PHRF1: variants seen among roughly 807,000 people sequenced by gnomAD.
PHRF1 encodes PHD and RING finger domain-containing protein 1.
Under a neutral mutation model 128.9 loss-of-function variants are expected in PHRF1, and 53 were observed. The observed-to-expected ratio is 0.41, with a 90% CI of 0.33 to 0.52. The LOEUF is 0.52. Among genes scored for constraint, PHRF1 ranks in the 20% least tolerant of loss-of-function variants. The pLI is 0.21. For synonymous variants in PHRF1, 1,178 were observed against 980.6 expected (o/e 1.20, Z -3.76); for missense variants, 2,503 against 2,284.5 (o/e 1.10, Z -1.95).
intron 6 of PHRF1, among the ~76,000 whole-genome samples, chr11:593,019 C>T (rs953589027): frequency 5.3e-5 from 8 of 152,202 alleles, no homozygotes; most frequent in Admixed American, 1.3e-4. Context: ...TGCCTGCGTC[C>T]ATCATTCTGG....
intron 4 of PHRF1, among the ~76,000 whole-genome samples, chr11:589,818 GCGGGGC>G (rs1564845159): frequency 2.0e-5 from 3 of 149,880 alleles, no homozygotes; most frequent in African/African-American, 4.9e-5. Flanking sequence ...CACAGAGCGT[GCGGGGC>G]TCAGCCTGAG....
intron 4 of PHRF1, among the ~76,000 whole-genome samples, chr11:590,039 G>A (rs535690266): frequency 1.9e-4 from 29 of 151,230 alleles, no homozygotes; most frequent in African/African-American, 5.9e-4. Flanking sequence ...TGGAGCGTGC[G>A]GGGCTCAGCC....
Position 592,627 on chromosome 11 carries a change from G to A in PHRF1, c.573G>A (p.Arg191=). The A allele has an allele frequency of 6.2e-7, 1 of 1,614,068 alleles. No homozygotes were observed. The highest frequency in any genetic ancestry group is 8.5e-7 in the Non-Finnish European group (1 of 1,179,902). ...EDPTFCEVCG[R]SDREDRLLLC... ...CGACCTTCTGTGAGGTGTGCGGCAG[G>A]AGCGACCGTGAGGACAGGCTTTTGC... Residue 191 remains arginine (R), a synonymous_variant, in exon 6 of 18, where the codon AGG becomes AGA. Transcript: ENST00000264555.
rs1440717896 is a variant in PHRF1 at position 607,410 on chromosome 11, A to G, written c.1954A>G (p.Arg652Gly). The G allele has an allele frequency of 2.5e-6, 4 of 1,612,706 alleles. No homozygotes were observed. The highest frequency in any genetic ancestry group is 3.4e-6 in the Non-Finnish European group (4 of 1,179,882). Residue 652 changes from arginine to glycine, a missense_variant, in exon 14 of 18, where the codon AGA becomes GGA. By Grantham distance (125) the Arg-to-Gly change is moderately radical. Transcript: ENST00000264555. ...CTCTGCCGCGTCTAAGATCTCAAGC[A>G]GAGATTCTAAGCCCCCATGTCGCAG... ...LASAASKISS[R>G]DSKPPCRSVV...
Position 607,580 on chromosome 11 carries a change from T to C in PHRF1, c.2124T>C (p.Ser708=), listed in dbSNP as rs1856030955. The C allele has an allele frequency of 9.3e-6, 15 of 1,612,142 alleles. No individual in the cohort carries two copies. Among genetic ancestry groups the C allele is most frequent in the Non-Finnish European group, 1.3e-5 (15 of 1,179,762 alleles). Residue 708 remains serine, a synonymous_variant, in exon 14 of 18, where the codon AGT becomes AGC. Coordinates refer to ENST00000264555, the MANE Select transcript of PHRF1 (RefSeq NM_001286581.2). ...PAHGQSIEIP[S]ACISRLTGRE... ...ACGGGCAGAGCATTGAGATCCCCAG[T>C]GCCTGCATCAGCCGACTGACTGGCA...
intron 9 of PHRF1, among the ~76,000 whole-genome samples, chr11:598,817 T>G (rs1163614606): frequency 6.6e-6 from 1 of 152,226 alleles, no homozygotes; most frequent in Non-Finnish European, 1.5e-5. Context: ...TGTAAACATT[T>G]GTCAGAATAC....
rs1564868624 is a variant in PHRF1 at position 608,786 on chromosome 11, G to GA, written c.3334dup (p.Arg1112LysfsTer71). On this transcript the variant is annotated frameshift_variant, in exon 14 of 18. Transcript: ENST00000264555. LOFTEE classifies it high-confidence loss of function. Reference sequence around the variant, plus strand: ...AGCACTATGAGAGTAGGAAGAAGAAGAAAAGGAGATCAGCGTCCAGACCTC... The same window carrying GA: ...AGCACTATGAGAGTAGGAAGAAGAAGAAAAAGGAGATCAGCGTCCAGACCTC... 1 of 1,611,924 alleles carries GA rather than the reference G, an allele frequency of 6.2e-7. No individual in the cohort carries two copies. The highest frequency in any genetic ancestry group is 8.5e-7 in the Non-Finnish European group (1 of 1,179,696).
intron 6 of PHRF1, among the ~76,000 whole-genome samples, 161 bp from the exon 7 acceptor site, chr11:596,762 A>G (rs1260260603): frequency 6.6e-6 from 1 of 152,184 alleles, no homozygotes; most frequent in African/African-American, 2.4e-5. Flanking sequence ...ATTGGGGGTT[A>G]GGGCTTCTTA....
At chr11:595,742 A>G (rs1389216999) in intron 6 of PHRF1, among the ~76,000 whole-genome samples, 1 of 152,180 alleles carries the variant, frequency 6.6e-6, no homozygotes, top group Non-Finnish European at 1.5e-5. Flanking sequence ...AGGCTGCTGG[A>G]GCTCAGTGGT....
chr11:597,170 T>A lies in PHRF1; in HGVS notation c.718+150T>A, dbSNP rs1024352483. 3.1e-6 allele frequency: 3 copies of A among 975,956 alleles called. No homozygotes were observed. Among genetic ancestry groups the A allele is most frequent in the Non-Finnish European group, 4.5e-6 (3 of 663,118 alleles). 60.5% of individuals were successfully genotyped at this position (975,956 alleles called of 1,614,324 possible). On this transcript the variant is annotated intron_variant, in intron 7 of 17. Coordinates refer to ENST00000264555, the MANE Select transcript of PHRF1 (RefSeq NM_001286581.2). The surrounding 1 kb of genome is among the most constrained non-coding windows in gnomAD (Gnocchi z 6.5). ...TTGGCTGCGGTGTCGGGAGGACATC[T>A]AGGGCTGTCTCGGGCTCGTCTTCTC...
Position 607,668 on chromosome 11 carries a change from C to G in PHRF1, c.2212C>G (p.Pro738Ala). 6.2e-7 allele frequency: 1 copy of G among 1,610,130 alleles called. No individual in the cohort carries two copies. The highest frequency in any genetic ancestry group is 8.5e-7 in the Non-Finnish European group (1 of 1,178,286). ...RAESEASSRVPREPGVHTGSS... is the reference protein window; with the variant it reads ...RAESEASSRVAREPGVHTGSS... ...AGAGAGCGAGGCCAGCAGCAGGGTG[C>G]CCCGGGAGCCCGGGGTGCACACGGG... Residue 738 changes from proline to alanine, a missense_variant, in exon 14 of 18, where the codon CCC becomes GCC. By Grantham distance (27) the Pro-to-Ala change is conservative. Coordinates refer to ENST00000264555, the MANE Select transcript of PHRF1 (RefSeq NM_001286581.2).
At chr11:594,456 G>A (rs1017824397) in intron 6 of PHRF1, among the ~76,000 whole-genome samples, 8 of 152,178 alleles carry the variant, frequency 5.3e-5, no homozygotes, top group African/African-American at 1.7e-4. Context: ...GTCTTGGTCC[G>A]TCATCCAGGC....
chr11:587,485 G>T, intron 4 of PHRF1, 21 bp downstream of exon 4: 1 of 1,611,150 alleles, frequency 6.2e-7, no homozygotes, highest in Non-Finnish European at 8.5e-7. Flanking sequence ...CTCTGGTTGG[G>T]TGCTTCCTCC....
intron 2 of PHRF1, 125 bp from the exon 3 acceptor site, chr11:581,837 C>T: frequency 7.3e-7 from 1 of 1,373,498 alleles, no homozygotes; most frequent in Non-Finnish European, 9.7e-7. Context: ...ACCTTGCCGG[C>T]CCTGGGGAAG....
chr11:610,859 C>T (rs1396199276), intron 16 of PHRF1, 95 bp from the exon 17 acceptor site: 7 of 1,584,388 alleles, frequency 4.4e-6, no homozygotes, highest in African/African-American at 2.7e-5. Context: ...GTCGCTGTGC[C>T]TCTGGAACTG....
In PHRF1 at chr11:605,302, T is replaced by G. The variant is rs777879027; in HGVS notation, c.1334+2T>G. 1 of 1,612,348 alleles carries G rather than the reference T, an allele frequency of 6.2e-7. No individual in the cohort carries two copies. Among genetic ancestry groups the G allele is most frequent in the South Asian group, 1.1e-5 (1 of 91,064 alleles). The stretch of plus-strand genomic sequence containing the variant: ...TTATGAGCTGGATCCCTTCGACAGG[T>G]GAGTGAACTGGTGATGGTCCTGCCT... On this transcript the variant is annotated splice_donor_variant, in intron 11 of 17. Coordinates refer to ENST00000264555, the MANE Select transcript of PHRF1 (RefSeq NM_001286581.2). LOFTEE classifies it high-confidence loss of function.
At position 582,068 on chromosome 11, in the gene PHRF1, G is replaced by A; in HGVS notation, c.201G>A (p.Leu67=). 5.0e-6 allele frequency: 8 copies of A among 1,597,284 alleles called. No homozygotes were observed. Among genetic ancestry groups the A allele is most frequent in the Non-Finnish European group, 6.8e-6 (8 of 1,172,184 alleles). Residue 67 remains leucine (L), a synonymous_variant, in exon 3 of 18, where the codon CTG becomes CTA. Coordinates refer to ENST00000264555, the MANE Select transcript of PHRF1 (RefSeq NM_001286581.2). ...EDEGASEEED[L]EDRSGSEDSE... ...AGGGGGCGTCTGAGGAGGAAGACCT[G>A]GAAGACAGATCTGGTGAGACAGCTG...
rs773437999 is a variant in PHRF1 at position 607,549 on chromosome 11, C to T, written c.2093C>T (p.Pro698Leu). Residue 698 changes from proline (P) to leucine (L), a missense_variant, in exon 14 of 18, where the codon CCG (proline) becomes CTG (leucine). Coordinates refer to ENST00000264555, the MANE Select transcript of PHRF1 (RefSeq NM_001286581.2). ...DDGGGRRDAAPAHGQSIEIPS... is the reference protein window; with the variant it reads ...DDGGGRRDAALAHGQSIEIPS... Reference sequence around the variant, plus strand: ...GGTGGTGGCAGACGGGATGCGGCCCCGGCCCACGGGCAGAGCATTGAGATC... The same window carrying T: ...GGTGGTGGCAGACGGGATGCGGCCCTGGCCCACGGGCAGAGCATTGAGATC... The T allele has an allele frequency of 8.2e-5, 133 of 1,612,532 alleles. No individual in the cohort carries two copies. Among genetic ancestry groups the T allele is most frequent in the South Asian group, 3.2e-4 (29 of 91,092 alleles).
At chr11:592,731 G>C in intron 6 of PHRF1, 57 bp downstream of exon 6, 1 of 1,562,966 alleles carries the variant, frequency 6.4e-7, no homozygotes, top group Non-Finnish European at 8.8e-7. Flanking sequence ...CGGGCCAGGC[G>C]CAGGAGGGAT....
Sources: allele counts gnomAD v4.1 joint callset (sites outside exome capture counted in the v4.1 genomes callset), GRCh38; gene constraint gnomAD v4.1.1; non-coding constraint Gnocchi (gnomAD v3.1); transcripts MANE v1.5; gene names NCBI Gene and HGNC (gene_info 2026-07-23, HGNC 2026-07-21).